Variants in MYOZ3 observed in about 807,000 individuals in gnomAD.
The protein encoded by MYOZ3 is myozenin-3.
A neutral mutation model predicts 26.5 loss-of-function variants in MYOZ3; 19 were observed. The ratio of observed to expected loss-of-function variants is 0.72; its 90% CI spans 0.50 to 1.05. The LOEUF is 1.05. MYOZ3 is among the 50% of genes least tolerant of loss of function. The pLI, the probability that MYOZ3 is intolerant of heterozygous loss-of-function variation, is 0.00. For synonymous variants in MYOZ3, 135 were observed against 138.8 expected (o/e 0.97, Z 0.19); for missense variants, 322 against 337.1 (o/e 0.96, Z 0.35).
In MYOZ3 at chr5:150,668,137, G is replaced by A. The variant is rs77723475; in HGVS notation, c.62-2347G>A. On this transcript the variant is annotated intron_variant, in intron 2 of 6. Transcript: ENST00000517768. ...CTCACTTGTTTGAAAAACCAGGCCAGTTGTCCTGTAGAATGTCCTGCGTCC... is the reference window on the plus strand; with the variant it reads ...CTCACTTGTTTGAAAAACCAGGCCAATTGTCCTGTAGAATGTCCTGCGTCC... 5.0e-3 allele frequency among the ~76,000 whole-genome samples: 757 copies of A among 152,248 alleles called. 6 individuals are homozygous for A. The highest frequency in any genetic ancestry group is 0.018 in the African/African-American group (739 of 41,530).
rs1453422374 is a variant in MYOZ3, at chr5:150,679,055, T to C, written c.*2180T>C. 6.6e-6 allele frequency: 1 copy of C among 152,372 alleles called. No individual in the cohort carries two copies. The highest frequency in any genetic ancestry group is 2.4e-5 in the African/African-American group (1 of 41,462). The allele number at this position is 152,372 out of a possible 1,614,324, so 9.4% of individuals were successfully genotyped here. A position where few individuals can be genotyped will look rare whatever the true frequency, so the allele number is the denominator to read the frequency against. ...GTCCCAAGGGCCCAATGGCCTGACT[T>C]TTAGAATTGCTTGCAATTGGTGTTT... On this transcript the variant is annotated 3_prime_UTR_variant, in exon 7 of 7. Coordinates refer to ENST00000517768, the MANE Select transcript of MYOZ3 (RefSeq NM_001122853.3).
At chr5:150,666,789 C>G (rs564660745) in intron 2 of MYOZ3, among the ~76,000 whole-genome samples, 7 of 150,564 alleles carry the variant, frequency 4.6e-5, no homozygotes, top group African/African-American at 1.7e-4. Context: ...GAGACAGCAT[C>G]TCACTCTTTT....
At chr5:150,661,873 G>A (rs75401849) in intron 1 of MYOZ3, among the ~76,000 whole-genome samples, 102 of 152,284 alleles carry the variant, frequency 6.7e-4, no homozygotes, top group African/African-American at 2.4e-3. Flanking sequence ...TCATGTTTAC[G>A]TATAGTTTTA....
chr5:150,664,051 C>G (rs181877740), intron 2 of MYOZ3, among the ~76,000 whole-genome samples: 18 of 151,518 alleles, frequency 1.2e-4, no homozygotes, highest in Admixed American at 2.6e-4. Flanking sequence ...AGTTCTCAAG[C>G]TTTATTGTGA....
chr5:150,675,481 T>C (rs1278932230), intron 6 of MYOZ3, among the ~76,000 whole-genome samples: 1 of 152,130 alleles, frequency 6.6e-6, no homozygotes, highest in Non-Finnish European at 1.5e-5. Context: ...CAAGCAATTC[T>C]TCTGCCTCAG....
At chr5:150,673,672 T>G (rs1758960695) in intron 6 of MYOZ3, among the ~76,000 whole-genome samples, 3 of 150,924 alleles carry the variant, frequency 2.0e-5, no homozygotes, top group East Asian at 1.9e-4. Context: ...TGAGATGAAG[T>G]TTGGACAGGG....
chr5:150,670,218 G>A, intron 2 of MYOZ3: 1 of 328,562 alleles, frequency 3.0e-6, no homozygotes, highest in South Asian at 7.9e-5. Context: ...ACCTGCATGG[G>A]GAATTCATGC....
At chr5:150,660,953 C>CTGTG (rs947232775), upstream of MYOZ3, 19 of 151,960 alleles carry the variant, frequency 1.3e-4, no homozygotes, top group African/African-American at 4.6e-4. Context: ...ATTCATCCAT[C>CTGTG]TATCTATCCA....
At chr5:150,667,987 C>A (rs1328438960) in intron 2 of MYOZ3, among the ~76,000 whole-genome samples, 1 of 152,160 alleles carries the variant, frequency 6.6e-6, no homozygotes, top group Non-Finnish European at 1.5e-5. Flanking sequence ...TGTATTCAAC[C>A]TTCTTCAGTT....
rs1162040278 is a variant in MYOZ3, at chr5:150,672,472, C to G, written c.557C>G (p.Pro186Arg). ...CAGAGCGATGGCCGAAGTCACACCC[C>G]CAGCCCCAACGACTACCGAAATTTC... ...DYQSDGRSHTPSPNDYRNFNK... is the reference protein window; with the variant it reads ...DYQSDGRSHTRSPNDYRNFNK... Residue 186 changes from proline to arginine, a missense_variant, in exon 6 of 7, where the codon CCC becomes CGC. Pro to Arg is a moderately radical substitution (Grantham distance 103). Transcript: ENST00000517768. 6.3e-7 allele frequency: 1 copy of G among 1,589,720 alleles called. No individual in the cohort carries two copies. The highest frequency in any genetic ancestry group is 1.7e-5 in the Admixed American group (1 of 57,230).
At position 150,669,633 on chromosome 5, in the gene MYOZ3, C is replaced by CTTTTTTTTTTT. The variant is rs532402882; in HGVS notation, c.62-829_62-819dup. ...CAACTTTCCTCAGGGCCCATATATGCTTTTTTTTTTTTTTTTTTTTTTTTT... is the reference window on the plus strand; with the variant it reads ...CAACTTTCCTCAGGGCCCATATATGCTTTTTTTTTTTTTTTTTTTTTTTTTTTTTTTTTTTT... On this transcript the variant is annotated intron_variant, in intron 2 of 6. Transcript: ENST00000517768. 1.3e-3 allele frequency among the ~76,000 whole-genome samples: 61 copies of CTTTTTTTTTTT among 47,744 alleles called. 12 individuals carry two copies. The highest frequency in any genetic ancestry group is 2.6e-3 in the African/African-American group (44 of 16,886). The allele number at this position is 47,744 out of a possible 152,430, so 31.3% of individuals were successfully genotyped here. A position where few individuals can be genotyped will look rare whatever the true frequency, so the allele number is the denominator to read the frequency against.
Position 150,670,533 on chromosome 5 carries a change from G to T in MYOZ3, c.111G>T (p.Met37Ile), listed in dbSNP as rs1284390426. ...AGCTGAGCGTGCCCCAGGACCTGAT[G>T]ATGGAGGAGCTGTCACTACGCAACA... is the stretch of plus-strand genomic sequence containing the variant. Reference protein sequence around the residue: ...GKKLSVPQDLMMEELSLRNNR... With the variant: ...GKKLSVPQDLIMEELSLRNNR... The change falls in exon 3 of 7, where the codon ATG (methionine) becomes ATT (isoleucine). Residue 37 changes from methionine (M) to isoleucine (I), a missense_variant. Transcript: ENST00000517768. The T allele has an allele frequency of 6.2e-7, 1 of 1,613,280 alleles. No individual in the cohort carries two copies. The highest frequency in any genetic ancestry group is 8.5e-7 in the Non-Finnish European group (1 of 1,179,720).
intron 5 of MYOZ3, chr5:150,672,130 C>T (rs1234318436): frequency 7.8e-6 from 8 of 1,029,374 alleles, no homozygotes; most frequent in Non-Finnish European, 1.0e-5. Context: ...GCTGCGAACT[C>T]GTGGCTTCCT....
intron 5 of MYOZ3, 81 bp from the exon 6 acceptor site, chr5:150,672,259 C>T (rs1758928218): frequency 1.0e-5 from 16 of 1,541,802 alleles, no homozygotes; most frequent in Non-Finnish European, 1.3e-5. Flanking sequence ...CAACCGCGTC[C>T]GCGGAATGGG....
intron 1 of MYOZ3, among the ~76,000 whole-genome samples, chr5:150,662,435 C>T (rs530836887): frequency 1.3e-5 from 2 of 152,076 alleles, no homozygotes; most frequent in East Asian, 1.9e-4. Context: ...TGCCCTCAAG[C>T]GTCAGGGCCA....
chr5:150,662,975 G>A lies in MYOZ3; in HGVS notation c.34G>A (p.Ala12Thr), dbSNP rs1195317269. ...CAAGGAGCAGAAGGGGCCAGTGATG[G>A]CTGCCATGGGGGACCTCACTGAACC... ...IPKEQKGPVM[A>T]AMGDLTEPVP... The change falls in exon 2 of 7, where the codon GCT becomes ACT. Residue 12 changes from alanine to threonine, a missense_variant. Physicochemically the swap from Ala to Thr is moderately conservative, Grantham distance 58 (BLOSUM62 0). Transcript: ENST00000517768. 1 of 1,612,130 alleles carries A rather than the reference G, an allele frequency of 6.2e-7. No individual in the cohort carries two copies. Among genetic ancestry groups the A allele is most frequent in the African/African-American group, 1.3e-5 (1 of 74,970 alleles).
At chr5:150,662,903 G>A (rs749931922) in intron 1 of MYOZ3, 38 bp from the exon 2 acceptor site, 2 of 1,578,274 alleles carry the variant, frequency 1.3e-6, no homozygotes, top group Admixed American at 3.4e-5. Context: ...GAGAAATGGA[G>A]GCAGCCTGGT....
rs764680027 is a variant in MYOZ3 at position 150,672,475 on chromosome 5, G to T, written c.560G>T (p.Ser187Ile). 1 of 1,584,086 alleles carries T rather than the reference G, an allele frequency of 6.3e-7. No individual in the cohort carries two copies. The highest frequency in any genetic ancestry group is 1.1e-5 in the South Asian group (1 of 87,780). ...AGCGATGGCCGAAGTCACACCCCCA[G>T]CCCCAACGACTACCGAAATTTCAAC... The part of the protein sequence containing the change: ...YQSDGRSHTP[S>I]PNDYRNFNKT... Residue 187 changes from serine (S) to isoleucine (I), a missense_variant, in exon 6 of 7, where the codon AGC becomes ATC. Ser to Ile is a moderately radical substitution (Grantham distance 142). Coordinates refer to ENST00000517768, the MANE Select transcript of MYOZ3 (RefSeq NM_001122853.3).
intron 5 of MYOZ3, 51 bp from the exon 6 acceptor site, chr5:150,672,289 G>A (rs141049775): frequency 0.026 from 40,346 of 1,552,162 alleles, 661 homozygotes; most frequent in Middle Eastern, 0.043. Context: ...AGGTGGGGTT[G>A]GGGGCTGAGG....
Sources: gnomAD v4.1 joint callset for allele counts (sites outside exome capture counted in the v4.1 genomes callset) on GRCh38, gnomAD v4.1.1 for gene constraint, MANE v1.5 for transcripts, NCBI Gene and HGNC (gene_info 2026-07-23, HGNC 2026-07-21) for gene names.